Variants in SPECC1 observed in about 807,000 individuals in gnomAD.
SPECC1 encodes sperm antigen with calponin homology and coiled-coil domains 1, also known as cytospin-B.
SPECC1 carries 62 observed loss-of-function variants against 104.1 expected under a neutral mutation model. That is an observed-to-expected ratio of 0.60 (90% CI 0.49 to 0.74). SPECC1 has a LOEUF of 0.74. SPECC1 is among the 30% of genes least tolerant of loss of function. SPECC1 has a pLI of 0.00. For missense variants in SPECC1, 1,306 were observed against 1,310.5 expected (o/e 1.00, Z 0.05); for synonymous variants, 513 against 501.6 (o/e 1.02, Z -0.30).
rs58127201 is a variant in SPECC1 at position 20,116,803 on chromosome 17, CTTTTTTTTTTTTTTTTTT to C, written c.283+6254_283+6271del. ...GGGAACAATTGGCAGTGTCTGGAGACTTTTTTTTTTTTTTTTTTTTTTTTTTTTTTGGCTGTCATGACT... is the reference window on the plus strand; with the variant it reads ...GGGAACAATTGGCAGTGTCTGGAGACTTTTTTTTTTTTGGCTGTCATGACT... On this transcript the variant is annotated intron_variant, in intron 3 of 14. Transcript: ENST00000395527. Among the ~76,000 whole-genome samples the C allele has an allele frequency of 7.3e-4, 37 of 50,426 alleles. 1 individual carries two copies. The highest frequency in any genetic ancestry group is 0.018 in the Middle Eastern group (1 of 56). 33.1% of individuals were successfully genotyped at this position (50,426 alleles called of 152,430 possible). A position where few individuals can be genotyped will look rare whatever the true frequency, so the allele number is the denominator to read the frequency against.
intron 7 of SPECC1, among the ~76,000 whole-genome samples, chr17:20,235,458 C>T (rs1390901609): frequency 6.6e-6 from 1 of 152,144 alleles, no homozygotes; most frequent in African/African-American, 2.4e-5. Flanking sequence ...GAAATGAACC[C>T]GTCACATCTT....
chr17:20,194,502 A>ATTATTATTTTTTTTTT, intron 3 of SPECC1, among the ~76,000 whole-genome samples: 5 of 86,536 alleles, frequency 5.8e-5, no homozygotes, highest in South Asian at 4.2e-4. Context: ...AAGAGAACGA[A>ATTATTATTTTTTTTTT]TTTTTTTTTT....
At chr17:20,282,134 G>A (rs2040792260) in intron 12 of SPECC1, among the ~76,000 whole-genome samples, 2 of 152,244 alleles carry the variant, frequency 1.3e-5, no homozygotes, top group Non-Finnish European at 2.9e-5. Context: ...TTAACCTCGG[G>A]GAAGAAACGC....
At chr17:20,216,252 G>T (rs1403446801) in intron 4 of SPECC1, among the ~76,000 whole-genome samples, 2 of 151,900 alleles carry the variant, frequency 1.3e-5, no homozygotes, top group Admixed American at 6.6e-5. Context: ...ATCTGCAGTC[G>T]GGGAGAGCAT....
At position 20,227,530 on chromosome 17, in the gene SPECC1, A is replaced by G; in HGVS notation, c.1981A>G (p.Met661Val). Residue 661 changes from methionine (M) to valine (V), a missense_variant, in exon 5 of 15, where the codon ATG becomes GTG. By Grantham distance (21) the Met-to-Val change is conservative (BLOSUM62 1). Coordinates refer to ENST00000395527, the MANE Select transcript of SPECC1 (RefSeq NM_001243439.2). Reference sequence around the variant, plus strand: ...AGAGAGTGATGCAGAGATCAAAGACATGAAAGAAACCATATTTGAATTGGA... The same window carrying G: ...AGAGAGTGATGCAGAGATCAAAGACGTGAAAGAAACCATATTTGAATTGGA... The part of the protein sequence containing the change: ...ASESDAEIKD[M>V]KETIFELEDQ... 1 of 1,613,276 alleles carries G rather than the reference A, an allele frequency of 6.2e-7. No individual in the cohort carries two copies. The highest frequency in any genetic ancestry group is 8.5e-7 in the Non-Finnish European group (1 of 1,179,800).
chr17:20,254,356 C>G (rs1179809345), intron 10 of SPECC1, among the ~76,000 whole-genome samples: 1 of 152,106 alleles, frequency 6.6e-6, no homozygotes, highest in African/African-American at 2.4e-5. Context: ...CTCAGCCTGG[C>G]TTTGGCCCCA....
intron 4 of SPECC1, among the ~76,000 whole-genome samples, chr17:20,210,199 G>C (rs1057469937): frequency 1.3e-5 from 2 of 152,224 alleles, no homozygotes; most frequent in Admixed American, 6.5e-5. Flanking sequence ...AAGGACTTAA[G>C]AGATCTGGAA....
At chr17:20,264,223 C>CAT (rs1256118687) in intron 12 of SPECC1, among the ~76,000 whole-genome samples, 306 of 151,880 alleles carry the variant, frequency 2.0e-3, no homozygotes, top group African/African-American at 7.1e-3. Flanking sequence ...TACATCCCTC[C>CAT]ATATATATAT....
At chr17:20,152,438 T>C (rs1056396212) in intron 3 of SPECC1, among the ~76,000 whole-genome samples, 6 of 151,458 alleles carry the variant, frequency 4.0e-5, no homozygotes, top group African/African-American at 7.2e-5. Context: ...AGATGATATA[T>C]ATTACTCTGC....
intron 1 of SPECC1, among the ~76,000 whole-genome samples, chr17:20,044,203 C>T (rs2152455826): frequency 6.6e-6 from 1 of 152,052 alleles, no homozygotes; most frequent in African/African-American, 2.4e-5. Flanking sequence ...TTCAGTGTTT[C>T]AGAACTTGTT....
intron 3 of SPECC1, among the ~76,000 whole-genome samples, chr17:20,188,003 T>C (rs1028524653): frequency 3.9e-5 from 6 of 152,146 alleles, no homozygotes; most frequent in East Asian, 1.9e-4. Context: ...AATGAAGATA[T>C]AGAATTCAGC....
At chr17:20,047,540 A>G (rs1386263092) in intron 1 of SPECC1, among the ~76,000 whole-genome samples, 2 of 151,858 alleles carry the variant, frequency 1.3e-5, no homozygotes, top group African/African-American at 2.4e-5. Context: ...TTCCTGTGCC[A>G]TTTGTTTTGT....
intron 1 of SPECC1, among the ~76,000 whole-genome samples, chr17:20,074,721 C>T (rs1341253737): frequency 6.6e-6 from 1 of 152,116 alleles, no homozygotes; most frequent in Non-Finnish European, 1.5e-5. Context: ...AGCCGTGTTT[C>T]ACTTCCTTTA....
At chr17:20,213,241 G>A (rs1343282630) in intron 4 of SPECC1, among the ~76,000 whole-genome samples, 4 of 152,128 alleles carry the variant, frequency 2.6e-5, no homozygotes, top group African/African-American at 9.7e-5. Flanking sequence ...GGAATTACAG[G>A]TGTGCAACAC....
chr17:20,118,848 C>A (rs1832102255), intron 3 of SPECC1, among the ~76,000 whole-genome samples: 2 of 152,214 alleles, frequency 1.3e-5, no homozygotes, highest in South Asian at 4.1e-4. Flanking sequence ...AAAATCCTTC[C>A]TCTTCTACTT....
chr17:20,059,817 G>A lies in SPECC1; in HGVS notation c.-21-36814G>A, dbSNP rs138382364. On this transcript the variant is annotated intron_variant, in intron 1 of 14. Coordinates refer to ENST00000395527, the MANE Select transcript of SPECC1 (RefSeq NM_001243439.2). Reference sequence around the variant, plus strand: ...TTTCAGGTTGCAGTGAGCTCTGATCGTGCCACTGCACTCCAGCCTGTGTGA... The same window carrying A: ...TTTCAGGTTGCAGTGAGCTCTGATCATGCCACTGCACTCCAGCCTGTGTGA... 1.5e-3 allele frequency among the ~76,000 whole-genome samples: 235 copies of A among 152,260 alleles called. 2 individuals carry two copies. Among genetic ancestry groups the A allele is most frequent in the African/African-American group, 5.2e-3 (217 of 41,572 alleles).
chr17:20,313,431 G>A (rs2041981931), intron 14 of SPECC1, among the ~76,000 whole-genome samples: 1 of 152,248 alleles, frequency 6.6e-6, no homozygotes, highest in Non-Finnish European at 1.5e-5. Flanking sequence ...CAGAGTCTGT[G>A]GTGGTCACGA....
chr17:20,209,198 A>G (rs1230534227), intron 4 of SPECC1, among the ~76,000 whole-genome samples: 1 of 152,176 alleles, frequency 6.6e-6, no homozygotes, highest in African/African-American at 2.4e-5. Context: ...ACTTCCAAAT[A>G]TAGCTGCCTT....
chr17:20,207,308 T>C (rs2036852743), intron 4 of SPECC1, among the ~76,000 whole-genome samples: 1 of 152,102 alleles, frequency 6.6e-6, no homozygotes, highest in South Asian at 2.1e-4. Flanking sequence ...TGTTAAGGAG[T>C]TTCTCTCTTT....
Sources: allele counts gnomAD v4.1 joint callset (sites outside exome capture counted in the v4.1 genomes callset), GRCh38; gene constraint gnomAD v4.1.1; transcripts MANE v1.5; gene names NCBI Gene and HGNC (gene_info 2026-07-23, HGNC 2026-07-21).